Variants in TTC17 observed in about 807,000 individuals in gnomAD.
The protein encoded by TTC17 is tetratricopeptide repeat domain 17.
TTC17 carries 58 observed loss-of-function variants against 143.8 expected under a neutral mutation model. The observed-to-expected ratio is 0.40, with a 90% CI of 0.33 to 0.50. TTC17 has a LOEUF of 0.50. TTC17 is among the 20% of genes least tolerant of loss of function. The pLI, the probability that TTC17 is intolerant of heterozygous loss-of-function variation, is 0.49. For missense variants in TTC17, 1,273 were observed against 1,392.5 expected, an observed-to-expected ratio of 0.91 and a Z score of 1.37; for synonymous variants, 501 against 497.8, an observed-to-expected ratio of 1.01 and a Z score of -0.09.
chr11:43,359,798 T>A (rs1856023519), intron 1 of TTC17, among the ~76,000 whole-genome samples: 2 of 152,238 alleles, frequency 1.3e-5, no homozygotes, highest in Non-Finnish European at 2.9e-5. Context: ...TTTCTTTACC[T>A]AGTTCTTGTG....
intron 2 of TTC17, among the ~76,000 whole-genome samples, chr11:43,388,500 A>G (rs1403784068): frequency 2.0e-5 from 3 of 151,966 alleles, no homozygotes; most frequent in South Asian, 4.1e-4. Context: ...GAGATTTAGA[A>G]GACATTAAAG....
intron 9 of TTC17, 90 bp downstream of exon 9, chr11:43,400,138 A>C: frequency 7.1e-7 from 1 of 1,414,206 alleles, no homozygotes; most frequent in Non-Finnish European, 9.6e-7. Context: ...GCCTTAAAGC[A>C]GTGTGAAGTT....
intron 1 of TTC17, among the ~76,000 whole-genome samples, chr11:43,365,579 T>G (rs1444664872): frequency 6.6e-6 from 1 of 152,246 alleles, no homozygotes; most frequent in African/African-American, 2.4e-5. Flanking sequence ...GCTCATCTCC[T>G]TCTTAACTTT....
intron 1 of TTC17, among the ~76,000 whole-genome samples, chr11:43,365,669 G>C (rs950991138): frequency 6.6e-6 from 1 of 152,126 alleles, no homozygotes; most frequent in South Asian, 2.1e-4. Flanking sequence ...ACTTTACCTT[G>C]TACAAAAATA....
intron 21 of TTC17, among the ~76,000 whole-genome samples, chr11:43,476,596 G>T (rs1270192514): frequency 1.3e-5 from 2 of 152,202 alleles, no homozygotes; most frequent in Non-Finnish European, 2.9e-5. Flanking sequence ...AAGCTTCCAA[G>T]GCTTGGGGCT....
intron 18 of TTC17, 139 bp from the exon 19 acceptor site, chr11:43,447,863 T>C: frequency 1.0e-6 from 1 of 1,002,896 alleles, no homozygotes; most frequent in Admixed American, 2.7e-5. Context: ...AGATCATAGA[T>C]GGGGGAAATG....
intron 1 of TTC17, among the ~76,000 whole-genome samples, chr11:43,375,653 A>G (rs1431092808): frequency 6.6e-6 from 1 of 151,984 alleles, no homozygotes; most frequent in Non-Finnish European, 1.5e-5. Flanking sequence ...TTTAAAAAAA[A>G]AAACAGTGAA....
chr11:43,430,466 A>G (rs1947127706), intron 16 of TTC17, among the ~76,000 whole-genome samples: 1 of 152,084 alleles, frequency 6.6e-6, no homozygotes, highest in African/African-American at 2.4e-5. Flanking sequence ...GTTGTTGAAC[A>G]GCAAAGAAGT....
At chr11:43,400,711 A>G (rs1294952632) in intron 9 of TTC17, among the ~76,000 whole-genome samples, 1 of 152,192 alleles carries the variant, frequency 6.6e-6, no homozygotes, top group Non-Finnish European at 1.5e-5. Flanking sequence ...GGAAGAGGGT[A>G]TCTAGCTTTT....
chr11:43,490,085 T>C, intron 21 of TTC17, 154 bp from the exon 22 acceptor site: 2 of 1,001,294 alleles, frequency 2.0e-6, no homozygotes, highest in Non-Finnish European at 2.9e-6. Flanking sequence ...TAAGGATTAA[T>C]GAAGGACAGG....
intron 1 of TTC17, among the ~76,000 whole-genome samples, chr11:43,359,461 C>G (rs1212742995): frequency 6.6e-6 from 1 of 152,174 alleles, no homozygotes; most frequent in Non-Finnish European, 1.5e-5. Context: ...TTTGGTGCCT[C>G]TCGGGTTCAC....
intron 10 of TTC17, 139 bp downstream of exon 10, chr11:43,401,697 G>A: frequency 1.6e-6 from 1 of 632,650 alleles, no homozygotes; most frequent in East Asian, 2.9e-5. Flanking sequence ...AAGATTTTGA[G>A]GCTGGGCACA....
intron 21 of TTC17, among the ~76,000 whole-genome samples, chr11:43,486,948 C>T (rs1948392027): frequency 6.6e-6 from 1 of 151,996 alleles, no homozygotes; most frequent in South Asian, 2.1e-4. Context: ...AGGTAGGAGG[C>T]TGAGACAGGA....
intron 5 of TTC17, among the ~76,000 whole-genome samples, chr11:43,395,816 A>G (rs1857567694): frequency 6.6e-6 from 1 of 152,172 alleles, no homozygotes; most frequent in Non-Finnish European, 1.5e-5. Flanking sequence ...AAAATCTATA[A>G]AAGAAAGTAA....
intron 16 of TTC17, among the ~76,000 whole-genome samples, chr11:43,441,609 T>C (rs561429348): frequency 6.6e-6 from 1 of 152,306 alleles, no homozygotes; most frequent in Admixed American, 6.5e-5. Flanking sequence ...AGCACACTTA[T>C]AATCTACTTA....
Position 43,405,637 on chromosome 11 carries a change from G to C in TTC17, c.1595+8G>C, listed in dbSNP as rs775050906. The C allele has an allele frequency of 9.3e-6, 15 of 1,613,620 alleles. No individual in the cohort carries two copies. Among genetic ancestry groups the C allele is most frequent in the African/African-American group, 2.7e-5 (2 of 74,920 alleles). On this transcript the variant is annotated splice_region_variant and intron_variant, in intron 12 of 23. Coordinates refer to ENST00000039989, the MANE Select transcript of TTC17 (RefSeq NM_018259.6). ...GGAAAACAAAGGACTCAGGCAAGTG[G>C]TGATGGATTTGGCAAAGCACCTGAT... is the stretch of plus-strand genomic sequence containing the variant.
At chr11:43,471,098 G>C (rs1948083880) in intron 21 of TTC17, among the ~76,000 whole-genome samples, 1 of 152,158 alleles carries the variant, frequency 6.6e-6, no homozygotes, top group Non-Finnish European at 1.5e-5. Context: ...AAATCCACCT[G>C]ATCCACCTGC....
intron 1 of TTC17, 87 bp from the exon 2 acceptor site, chr11:43,379,146 C>T: frequency 1.6e-6 from 2 of 1,218,462 alleles, no homozygotes; most frequent in Non-Finnish European, 2.4e-6. Context: ...GGCGAATGAA[C>T]AATAATTTAA....
intron 18 of TTC17, 123 bp downstream of exon 18, chr11:43,444,332 A>C: frequency 1.1e-6 from 1 of 939,756 alleles, no homozygotes; most frequent in Non-Finnish European, 1.5e-6. Context: ...AAGTGTGGTC[A>C]AGAAACCAGT....
Sources: gnomAD v4.1 joint callset for allele counts (sites outside exome capture counted in the v4.1 genomes callset) on GRCh38, gnomAD v4.1.1 for gene constraint, MANE v1.5 for transcripts, NCBI Gene and HGNC (gene_info 2026-07-23, HGNC 2026-07-21) for gene names.